Variants in CD5 observed in about 807,000 individuals in gnomAD.
The protein encoded by CD5 is T-cell surface glycoprotein CD5.
CD5 carries 36 observed loss-of-function variants against 60.3 expected under a neutral mutation model. The ratio of observed to expected loss-of-function variants is 0.60; its 90% CI spans 0.46 to 0.79. CD5 has a LOEUF of 0.79. Ranked by LOEUF, CD5 falls within the 30% of genes least tolerant of loss-of-function variation. CD5 has a pLI of 0.00. For synonymous variants in CD5, 230 were observed against 257.6 expected, an observed-to-expected ratio of 0.89 and a Z score of 1.03; for missense variants, 540 against 630.6, an observed-to-expected ratio of 0.86 and a Z score of 1.54.
At chr11:61,116,796 T>G (rs1411311038) in intron 2 of CD5, among the ~76,000 whole-genome samples, 1 of 108,766 alleles carries the variant, frequency 9.2e-6, no homozygotes, top group African/African-American at 3.8e-5. Context: ...ACACACCACC[T>G]GCACACTACA....
chr11:61,101,317 A>G (rs1860680236), upstream of CD5, among the ~76,000 whole-genome samples: 1 of 120,152 alleles, frequency 8.3e-6, no homozygotes, highest in Admixed American at 8.9e-5. Flanking sequence ...TGGAGATTAC[A>G]CACACATCAA....
chr11:61,111,415 TAAC>T (rs1232323818), intron 1 of CD5, among the ~76,000 whole-genome samples: 1 of 152,150 alleles, frequency 6.6e-6, no homozygotes, highest in Non-Finnish European at 1.5e-5. Flanking sequence ...TGTGGAAGAT[TAAC>T]AACAATATCT....
At chr11:61,106,124 C>CA (rs36003583) in intron 1 of CD5, among the ~76,000 whole-genome samples, 32,998 of 81,498 alleles carry the variant, frequency 0.4, 7,604 homozygotes, top group East Asian at 0.78. Flanking sequence ...GACTCCATCT[C>CA]AAAAAAAAAA....
chr11:61,118,529 C>G lies in CD5; in HGVS notation c.400+49C>G. 6.4e-7 allele frequency: 1 copy of G among 1,570,048 alleles called. No individual in the cohort carries two copies. ...GGCACCCTGGGCCTGGGCGCCAGCC[C>G]CGAGGAGACTGCCCGAGGCCTGTGA... On this transcript the variant is annotated intron_variant, in intron 3 of 10. Transcript: ENST00000347785. This position sits in a 1 kb window ranked among gnomAD's most constrained non-coding sequence, Gnocchi z 4.7.
chr11:61,119,364 C>A lies in CD5; in HGVS notation c.594C>A (p.Asn198Lys). 1 of 1,614,214 alleles carries A rather than the reference C, an allele frequency of 6.2e-7. No individual in the cohort carries two copies. The highest frequency in any genetic ancestry group is 1.1e-5 in the South Asian group (1 of 91,088). The change falls in exon 5 of 11, where the codon AAC (asparagine) becomes AAA (lysine). Residue 198 changes from asparagine (N) to lysine (K), a missense_variant. By Grantham distance (94) the Asn-to-Lys change is moderately conservative (BLOSUM62 0). Transcript: ENST00000347785. ...EAQDKTQDLE[N>K]FLCNNLQCGS... ...AGGACAAGACCCAGGACCTGGAGAA[C>A]TTCCTCTGCAACAACCTCCAGTGTG...
intron 8 of CD5, 122 bp downstream of exon 8, chr11:61,124,059 G>A (rs1247720591): frequency 6.5e-6 from 5 of 767,858 alleles, no homozygotes; most frequent in South Asian, 6.2e-5. Context: ...TGATCTCCAC[G>A]GTGCTTGTCT....
chr11:61,122,255 A>G (rs1434147191), intron 6 of CD5, among the ~76,000 whole-genome samples: 4 of 145,064 alleles, frequency 2.8e-5, no homozygotes, highest in Non-Finnish European at 4.5e-5. Context: ...CGGGAAGTAA[A>G]AGAGAGAAAT....
chr11:61,108,814 T>G (rs552297388), intron 1 of CD5, among the ~76,000 whole-genome samples: 2 of 152,284 alleles, frequency 1.3e-5, no homozygotes, highest in African/African-American at 2.4e-5. Context: ...TGGAACAAAG[T>G]GGTGATAGCA....
rs202044408 is a variant in CD5, at chr11:61,125,064, C to T, written c.1312C>T (p.Arg438Ter). The T allele has an allele frequency of 1.6e-5, 26 of 1,614,000 alleles. No homozygotes were observed. Among genetic ancestry groups the T allele is most frequent in the Non-Finnish European group, 1.9e-5 (23 of 1,179,998 alleles). Residue 438 changes from arginine (R) to a stop codon, truncating the protein, a stop_gained, in exon 9 of 11, where the codon CGA becomes TGA. Coordinates refer to ENST00000347785, the MANE Select transcript of CD5 (RefSeq NM_014207.4). LOFTEE classifies it high-confidence loss of function. ...SFHRNHTATV[R>*]SHAENPTASH... ...CCATCGCAACCACACGGCAACCGTC[C>T]GATCCCATGCTGAGAACCCCACAGC...
chr11:61,123,923 G>C lies in CD5; in HGVS notation c.1265G>C (p.Gly422Ala). ...CAGCGCCAGTGGATTGGCCCAACGGGAATGAACCAAAACAGTAAGTGTCCC... is the reference window on the plus strand; with the variant it reads ...CAGCGCCAGTGGATTGGCCCAACGGCAATGAACCAAAACAGTAAGTGTCCC... ...KKQRQWIGPTGMNQNMSFHRN... is the reference protein window; with the variant it reads ...KKQRQWIGPTAMNQNMSFHRN... The change falls in exon 8 of 11, where the codon GGA (glycine) becomes GCA (alanine). Residue 422 changes from glycine (G) to alanine (A), a missense_variant. Transcript: ENST00000347785. The C allele has an allele frequency of 1.2e-6, 2 of 1,613,698 alleles. No homozygotes were observed. Among genetic ancestry groups the C allele is most frequent in the Non-Finnish European group, 1.7e-6 (2 of 1,179,894 alleles).
chr11:61,108,666 G>C (rs907978972), intron 1 of CD5, among the ~76,000 whole-genome samples: 1 of 152,200 alleles, frequency 6.6e-6, no homozygotes, highest in Non-Finnish European at 1.5e-5. Flanking sequence ...AACACAGGCA[G>C]ATCTATTGTA....
At chr11:61,108,945 A>G (rs747391811) in intron 1 of CD5, among the ~76,000 whole-genome samples, 5 of 152,204 alleles carry the variant, frequency 3.3e-5, no homozygotes, top group Non-Finnish European at 7.3e-5. Context: ...CAGGCCTGTG[A>G]ATCCGGGTGC....
At chr11:61,119,154 G>C in intron 4 of CD5, 80 bp from the exon 5 acceptor site, 1 of 1,381,644 alleles carries the variant, frequency 7.2e-7, no homozygotes, top group East Asian at 2.3e-5. Flanking sequence ...TTGTCCACAA[G>C]TTGGGGCCAA....
intron 4 of CD5, 123 bp from the exon 5 acceptor site, chr11:61,119,111 C>T (rs1480281811): frequency 8.6e-7 from 1 of 1,165,922 alleles, no homozygotes; most frequent in Non-Finnish European, 1.2e-6. Context: ...TTTGGGACCC[C>T]ATCACCTCCC....
chr11:61,103,929 A>C, intron 1 of CD5, among the ~76,000 whole-genome samples: 1 of 79,026 alleles, frequency 1.3e-5, no homozygotes, highest in Non-Finnish European at 2.3e-5. Context: ...GGAATGTGTG[A>C]CTCTGTGTGT....
At chr11:61,124,961 T>C in intron 8 of CD5, 71 bp from the exon 9 acceptor site, 1 of 1,600,076 alleles carries the variant, frequency 6.2e-7, no homozygotes, top group Non-Finnish European at 8.6e-7. Flanking sequence ...ATTAAAGTTC[T>C]GGGCACCTGC....
rs1459688960 is a variant in CD5, at chr11:61,127,488, G to C, written c.*1203G>C. On this transcript the variant is annotated 3_prime_UTR_variant, in exon 11 of 11. Transcript: ENST00000347785. ...CAAAAGGGAGTTACTAGGATATGGG[G>C]TGGGCTGCTCCCAGAATCTGCTCAG... is the stretch of plus-strand genomic sequence containing the variant. 5 of 152,320 alleles carry C rather than the reference G, an allele frequency of 3.3e-5. No homozygotes were observed. The East Asian group carries it at 7.7e-4, about 23-fold the overall frequency. 9.4% of individuals were successfully genotyped at this position (152,320 alleles called of 1,614,324 possible). A position where few individuals can be genotyped will look rare whatever the true frequency, so the allele number is the denominator to read the frequency against.
chr11:61,101,593 AAC>A (rs367933540), upstream of CD5, among the ~76,000 whole-genome samples: 384 of 148,634 alleles, frequency 2.6e-3, 2 homozygotes, highest in East Asian at 0.012. Flanking sequence ...GGAAATCACA[AAC>A]ACACAACATG....
rs776358274 is a variant in CD5, at chr11:61,125,733, C to T, written c.1400-18C>T. The stretch of plus-strand genomic sequence containing the variant: ...GGAGTCAAAAACCCTCTGCAAACAG[C>T]GTCCTTTCTTTCCCCAGCTCTGGAA... On this transcript the variant is annotated intron_variant, in intron 9 of 10. Transcript: ENST00000347785. 45 of 1,586,504 alleles carry T rather than the reference C, an allele frequency of 2.8e-5. No homozygotes were observed. In the South Asian group the frequency reaches 4.4e-4, roughly 15 times the overall value.
Sources: allele counts gnomAD v4.1 joint callset (sites outside exome capture counted in the v4.1 genomes callset), GRCh38; gene constraint gnomAD v4.1.1; non-coding constraint Gnocchi (gnomAD v3.1); transcripts MANE v1.5; gene names NCBI Gene and HGNC (gene_info 2026-07-23, HGNC 2026-07-21).